FOCAD: variants seen among roughly 807,000 people sequenced by gnomAD.
The protein encoded by FOCAD is KIAA1797.
In FOCAD, 198 loss-of-function variants were observed where a neutral mutation model predicts 225.6. That is an observed-to-expected ratio of 0.88 (90% confidence interval 0.78 to 0.99). FOCAD has a LOEUF of 0.99. Among genes scored for constraint, FOCAD ranks in the 50% least tolerant of loss-of-function variants. FOCAD has a pLI of 0.00. For missense variants in FOCAD, 2,713 were observed against 2,123.6 expected (o/e 1.28, Z -5.46); for synonymous variants, 897 against 755.0 (o/e 1.19, Z -3.08).
chr9:20,965,953 C>A lies in FOCAD; in HGVS notation c.4133-10467C>A, dbSNP rs1395352782. ...CAGTTTATGGCCGTTTGGGTTGTTT[C>A]TACCTTTTGGCTATTGCAAGTGATG... On this transcript the variant is annotated intron_variant, in intron 35 of 43. Transcript: ENST00000338382. Among the ~76,000 whole-genome samples the A allele has an allele frequency of 2.6e-5, 4 of 152,192 alleles. No homozygotes were observed. In the East Asian group the frequency reaches 7.7e-4, roughly 29 times the overall value.
At chr9:20,849,672 A>G (rs1447759562) in intron 15 of FOCAD, among the ~76,000 whole-genome samples, 1 of 151,950 alleles carries the variant, frequency 6.6e-6, no homozygotes. Context: ...ACTCGTGTAC[A>G]TGGGGTATTT....
rs527327370 is a variant in FOCAD at position 20,990,284 on chromosome 9, C to G, written c.5166C>G (p.His1722Gln). 1 of 1,613,966 alleles carries G rather than the reference C, an allele frequency of 6.2e-7. No individual in the cohort carries two copies. The highest frequency in any genetic ancestry group is 1.3e-5 in the African/African-American group (1 of 74,932). ...VPSFLGRSPM[H>Q]RVTLQEVLTL... is the part of the protein sequence containing the mutation. ...GCTTCCTTGGCAGGAGTCCAATGCA[C>G]AGGGTCACTCTGCAGGAGGTTCTCA... The change falls in exon 42 of 44, where the codon CAC (histidine) becomes CAG (glutamine). Residue 1722 changes from histidine to glutamine, a missense_variant. Physicochemically the swap from His to Gln is conservative, Grantham distance 24. Coordinates refer to ENST00000338382, the MANE Select transcript of FOCAD (RefSeq NM_001375567.1).
intron 21 of FOCAD, among the ~76,000 whole-genome samples, chr9:20,894,188 G>T (rs1195671698): frequency 6.6e-6 from 1 of 152,056 alleles, no homozygotes; most frequent in African/African-American, 2.4e-5. Flanking sequence ...TTTTCTGCAT[G>T]TATTTTCGTT....
At chr9:20,785,759 G>A (rs1383597355) in intron 10 of FOCAD, among the ~76,000 whole-genome samples, 3 of 152,042 alleles carry the variant, frequency 2.0e-5, no homozygotes, top group African/African-American at 7.2e-5. Context: ...CATTTCTCTT[G>A]AGTAGATACC....
At chr9:20,969,749 T>TTTTGTA (rs1554746723) in intron 35 of FOCAD, among the ~76,000 whole-genome samples, 1 of 149,334 alleles carries the variant, frequency 6.7e-6, no homozygotes, top group Non-Finnish European at 1.5e-5. Flanking sequence ...ATATAATGGC[T>TTTTGTA]TTTATATTTA....
At chr9:20,982,318 A>T in intron 38 of FOCAD, 39 bp from the exon 39 acceptor site, 1 of 1,398,578 alleles carries the variant, frequency 7.2e-7, no homozygotes, top group Non-Finnish European at 1.0e-6. Context: ...CTGTTATTTT[A>T]CACTGTTTGT....
chr9:20,822,954 C>A lies in FOCAD; in HGVS notation c.1794-35C>A, dbSNP rs746456275. The A allele has an allele frequency of 1.0e-5, 16 of 1,553,212 alleles. No homozygotes were observed. In the African/African-American group the frequency reaches 1.5e-4, roughly 15 times the overall value. ...TCTGGGAGTGATAACTGCACTTTAG[C>A]ATTAATTTTGCTTTTAAACTTTCAT... is the stretch of plus-strand genomic sequence containing the variant. On this transcript the variant is annotated intron_variant, in intron 14 of 43. Transcript: ENST00000338382.
chr9:20,820,501 G>A, intron 13 of FOCAD, 76 bp downstream of exon 13: 3 of 1,299,662 alleles, frequency 2.3e-6, no homozygotes, highest in Non-Finnish European at 2.2e-6. Context: ...GTCATATATG[G>A]CAATGCTTTG....
intron 35 of FOCAD, among the ~76,000 whole-genome samples, chr9:20,973,318 G>A (rs904307831): frequency 1.4e-5 from 2 of 144,522 alleles, no homozygotes; most frequent in African/African-American, 2.6e-5. Flanking sequence ...TTCTGCTTCC[G>A]TCTTCTTTCA....
intron 39 of FOCAD, among the ~76,000 whole-genome samples, chr9:20,983,682 C>T (rs569492959): frequency 6.6e-6 from 1 of 152,198 alleles, no homozygotes; most frequent in South Asian, 2.1e-4. Context: ...TCTGGAGCCT[C>T]ACTGCTTCAG....
rs1269399830 is a variant in FOCAD, at chr9:20,986,381, G to T, written c.4822G>T (p.Val1608Leu). ...CCTGACCGATATGCTGAGCGTTGCT[G>T]TGCAGCACCGTGAGAAAGAGGTGTT... is the stretch of plus-strand genomic sequence containing the variant. ...VNLTDMLSVA[V>L]QHREKEVLAW... Residue 1608 changes from valine (V) to leucine (L), a missense_variant, in exon 40 of 44, where the codon GTG (valine) becomes TTG (leucine). Transcript: ENST00000338382. The T allele has an allele frequency of 8.7e-6, 14 of 1,609,852 alleles. No individual in the cohort carries two copies. Among genetic ancestry groups the T allele is most frequent in the Non-Finnish European group, 1.2e-5 (14 of 1,179,178 alleles).
intron 7 of FOCAD, among the ~76,000 whole-genome samples, chr9:20,766,656 A>C: frequency 7.4e-5 from 10 of 134,960 alleles, no homozygotes; most frequent in African/African-American, 2.2e-4. Flanking sequence ...TTTCCTCCTC[A>C]CCTCCCTCCC....
At chr9:20,749,804 A>G (rs1162961381) in intron 5 of FOCAD, among the ~76,000 whole-genome samples, 1 of 152,156 alleles carries the variant, frequency 6.6e-6, no homozygotes, top group Non-Finnish European at 1.5e-5. Flanking sequence ...GGTGACCTAA[A>G]GGTTACAAAT....
chr9:20,777,305 T>G (rs62557533), intron 8 of FOCAD, among the ~76,000 whole-genome samples: 2 of 21,012 alleles, frequency 9.5e-5, no homozygotes, highest in East Asian at 2.3e-3. Flanking sequence ...TTCCTGTGGG[T>G]TTTTTTTTTT....
chr9:20,756,242 G>A (rs554878954), intron 5 of FOCAD, among the ~76,000 whole-genome samples: 1 of 152,104 alleles, frequency 6.6e-6, no homozygotes, highest in East Asian at 1.9e-4. Context: ...CTGTGCTTTA[G>A]CAAGCAGGAG....
chr9:20,761,667 G>A (rs1379566158), intron 6 of FOCAD, among the ~76,000 whole-genome samples: 9 of 151,996 alleles, frequency 5.9e-5, no homozygotes, highest in Non-Finnish European at 1.0e-4. Context: ...TGATCCACCC[G>A]CCTCGGACTC....
chr9:20,867,111 A>G (rs1208793171), intron 18 of FOCAD, 99 bp downstream of exon 18: 1 of 701,540 alleles, frequency 1.4e-6, no homozygotes, highest in Non-Finnish European at 2.4e-6. Flanking sequence ...GAATATATAC[A>G]TAACCCTAGA....
At position 20,948,356 on chromosome 9, in the gene FOCAD, A is replaced by G; in HGVS notation, c.3761A>G (p.Lys1254Arg). 1 of 1,612,720 alleles carries G rather than the reference A, an allele frequency of 6.2e-7. No homozygotes were observed. The highest frequency in any genetic ancestry group is 1.1e-5 in the South Asian group (1 of 91,042). ...GHGKAEDLGS[K>R]LLPAWIRIVL... The stretch of plus-strand genomic sequence containing the variant: ...GGAAAAGCTGAAGACTTGGGCAGCA[A>G]ACTACTCCCTGCCTGGATCAGAATT... The change falls in exon 31 of 44, where the codon AAA (lysine) becomes AGA (arginine). Residue 1254 changes from lysine to arginine, a missense_variant. By Grantham distance (26) the Lys-to-Arg change is conservative. Coordinates refer to ENST00000338382, the MANE Select transcript of FOCAD (RefSeq NM_001375567.1).
chr9:20,701,976 T>G (rs1823992191), intron 1 of FOCAD, among the ~76,000 whole-genome samples: 1 of 152,164 alleles, frequency 6.6e-6, no homozygotes, highest in Non-Finnish European at 1.5e-5. Flanking sequence ...AAAAACAAGG[T>G]ATTAGATTCA....
Sources: allele counts gnomAD v4.1 joint callset (sites outside exome capture counted in the v4.1 genomes callset), GRCh38; gene constraint gnomAD v4.1.1; transcripts MANE v1.5; gene names NCBI Gene and HGNC (gene_info 2026-07-23, HGNC 2026-07-21).